Variants in CRACR2A observed in about 807,000 individuals in gnomAD.
The protein encoded by CRACR2A is calcium release activated channel regulator 2A.
A neutral mutation model predicts 90.5 loss-of-function variants in CRACR2A; 79 were observed. The observed-to-expected ratio is 0.87, with a 90% confidence interval of 0.73 to 1.05. The LOEUF (loss-of-function observed/expected upper bound fraction) is 1.05, where lower values mean the gene tolerates loss of function less well. CRACR2A is among the 50% of genes least tolerant of loss of function. The pLI, the probability that CRACR2A is intolerant of heterozygous loss-of-function variation, is 0.00. For synonymous variants in CRACR2A, 338 were observed against 356.7 expected (o/e 0.95, Z 0.59); for missense variants, 823 against 897.2 (o/e 0.92, Z 1.06).
intron 12 of CRACR2A, among the ~76,000 whole-genome samples, chr12:3,642,995 CAGA>C (rs1944601534): frequency 6.6e-6 from 1 of 152,168 alleles, no homozygotes; most frequent in Admixed American, 6.5e-5. Flanking sequence ...TGATTCCCCA[CAGA>C]AGTTCTTAAT....
chr12:3,662,137 G>T (rs1336114632), intron 7 of CRACR2A, among the ~76,000 whole-genome samples: 1 of 152,178 alleles, frequency 6.6e-6, no homozygotes, highest in Non-Finnish European at 1.5e-5. Flanking sequence ...GCCTACCACA[G>T]AGAAGCCCTA....
chr12:3,639,457 A>AACACACACACACACACACACACACAC (rs9300301), intron 13 of CRACR2A, among the ~76,000 whole-genome samples: 23,571 of 139,084 alleles, frequency 0.17, 2,763 homozygotes, highest in Admixed American at 0.32. Context: ...CCAGAATTGA[A>AACACACACACACACACACACACACAC]ACACACACAC....
intron 4 of CRACR2A, among the ~76,000 whole-genome samples, chr12:3,694,835 C>T (rs920369160): frequency 6.6e-6 from 1 of 152,194 alleles, no homozygotes; most frequent in African/African-American, 2.4e-5. Context: ...TTCAGAAAAA[C>T]TTCAGAAAAT....
intron 7 of CRACR2A, among the ~76,000 whole-genome samples, chr12:3,671,511 A>C (rs1345795566): frequency 6.6e-6 from 1 of 152,162 alleles, no homozygotes; most frequent in Non-Finnish European, 1.5e-5. Context: ...AAAGTTACAC[A>C]CTAAGCACCT....
intron 1 of CRACR2A, among the ~76,000 whole-genome samples, chr12:3,750,824 G>C (rs1261121036): frequency 6.6e-6 from 1 of 152,130 alleles, no homozygotes; most frequent in African/African-American, 2.4e-5. Flanking sequence ...GCAAACCATT[G>C]CAACAAGGAG....
At chr12:3,696,721 G>A (rs1222327939) in intron 4 of CRACR2A, 51 bp downstream of exon 4, 1 of 1,611,176 alleles carries the variant, frequency 6.2e-7, no homozygotes, top group Admixed American at 1.7e-5. Context: ...ACCCAAGACA[G>A]GAAGACATCT....
chr12:3,694,048 G>A (rs1945697277), intron 4 of CRACR2A, among the ~76,000 whole-genome samples: 1 of 152,164 alleles, frequency 6.6e-6, no homozygotes, highest in Non-Finnish European at 1.5e-5. Context: ...GTTGGGGGCT[G>A]GGAATGAGTC....
intron 9 of CRACR2A, among the ~76,000 whole-genome samples, chr12:3,654,901 C>A (rs1030105148): frequency 6.6e-6 from 1 of 152,196 alleles, no homozygotes; most frequent in Non-Finnish European, 1.5e-5. Context: ...TCTAGAGAAG[C>A]TTTTAAGGGT....
intron 13 of CRACR2A, among the ~76,000 whole-genome samples, chr12:3,639,457 A>AACACACACAC (rs9300301): frequency 2.5e-4 from 35 of 139,458 alleles, no homozygotes; most frequent in South Asian, 5.0e-4. Flanking sequence ...CCAGAATTGA[A>AACACACACAC]ACACACACAC....
intron 3 of CRACR2A, among the ~76,000 whole-genome samples, chr12:3,703,108 T>C (rs985790578): frequency 6.6e-6 from 1 of 152,216 alleles, no homozygotes; most frequent in Non-Finnish European, 1.5e-5. Flanking sequence ...TTTTTGTTTT[T>C]TGTTTTGAGA....
chr12:3,631,017 G>A (rs1387846059), intron 15 of CRACR2A, among the ~76,000 whole-genome samples: 1 of 152,230 alleles, frequency 6.6e-6, no homozygotes, highest in African/African-American at 2.4e-5. Context: ...TTCTGGGGTT[G>A]GATAGCTTTG....
At chr12:3,734,664 A>G (rs919348072) in intron 1 of CRACR2A, among the ~76,000 whole-genome samples, 2 of 145,752 alleles carry the variant, frequency 1.4e-5, no homozygotes, top group African/African-American at 5.5e-5. Context: ...CATATACATA[A>G]TAGAATATAA....
At chr12:3,673,963 T>A (rs554121506) in intron 6 of CRACR2A, among the ~76,000 whole-genome samples, 4 of 152,290 alleles carry the variant, frequency 2.6e-5, no homozygotes, top group Admixed American at 2.6e-4. Context: ...CTGCTTCTGT[T>A]CTCCCGTGGC....
intron 19 of CRACR2A, among the ~76,000 whole-genome samples, chr12:3,616,260 C>T (rs1867679788): frequency 1.3e-5 from 2 of 152,208 alleles, no homozygotes; most frequent in African/African-American, 4.8e-5. Flanking sequence ...TTAAGTGCCC[C>T]AGAATGAGTG....
intron 4 of CRACR2A, among the ~76,000 whole-genome samples, chr12:3,687,848 C>A (rs903876738): frequency 1.3e-5 from 2 of 152,226 alleles, no homozygotes; most frequent in African/African-American, 2.4e-5. Flanking sequence ...ACCTTGCCAG[C>A]ACCTGTTATT....
At chr12:3,648,309 G>T (rs1281861595) in intron 11 of CRACR2A, 1 of 1,442,448 alleles carries the variant, frequency 6.9e-7, no homozygotes, top group African/African-American at 1.4e-5. Context: ...GTGGGGCAGA[G>T]CCTCCCCACC....
At chr12:3,619,993 T>A (rs2137273892) in intron 17 of CRACR2A, among the ~76,000 whole-genome samples, 1 of 152,374 alleles carries the variant, frequency 6.6e-6, no homozygotes, top group African/African-American at 2.4e-5. Flanking sequence ...GCGCTTTGGC[T>A]CTGAAGAAAG....
Position 3,701,995 on chromosome 12 carries a change from C to G in CRACR2A, c.-36-4960G>C, listed in dbSNP as rs1212372948. On this transcript the variant is annotated intron_variant, in intron 3 of 19. Coordinates refer to ENST00000440314, the MANE Select transcript of CRACR2A (RefSeq NM_001144958.2). ...CCAACCAGGGTTTATCTGAGAAATGCAAGAATGGTTTAACATTTGAAAATC... is the reference window on the plus strand; with the variant it reads ...CCAACCAGGGTTTATCTGAGAAATGGAAGAATGGTTTAACATTTGAAAATC... 1.6e-4 allele frequency among the ~76,000 whole-genome samples: 24 copies of G among 152,014 alleles called. 1 individual carries two copies. The highest frequency in any genetic ancestry group is 1.6e-3 in the Admixed American group (24 of 15,262).
chr12:3,657,149 A>C (rs1944926429), intron 8 of CRACR2A, among the ~76,000 whole-genome samples: 1 of 152,214 alleles, frequency 6.6e-6, no homozygotes, highest in African/African-American at 2.4e-5. Flanking sequence ...GCGGGACACA[A>C]CTTGGGTTCC....
Sources: gnomAD v4.1 joint callset for allele counts (sites outside exome capture counted in the v4.1 genomes callset) on GRCh38, gnomAD v4.1.1 for gene constraint, MANE v1.5 for transcripts, NCBI Gene and HGNC (gene_info 2026-07-23, HGNC 2026-07-21) for gene names.